The following MAST4 variants were observed in gnomAD, a reference collection of about 807,000 sequenced individuals.
The protein encoded by MAST4 is microtubule-associated serine/threonine-protein kinase 4.
In MAST4, 89 loss-of-function variants were observed where a neutral mutation model predicts 162.7. That is an observed-to-expected ratio of 0.55 (90% CI 0.46 to 0.65). MAST4 has a LOEUF of 0.65. MAST4 is among the 30% of genes least tolerant of loss of function. The probability of loss-of-function intolerance (pLI) is 0.00; values close to 1 mark genes in which losing one functional copy is unlikely to be tolerated. For synonymous variants in MAST4, 1,479 were observed against 1,361.1 expected (o/e 1.09, Z -1.91); for missense variants, 3,153 against 3,374.0 (o/e 0.93, Z 1.62).
At chr5:67,052,602 A>G (rs898635951) in intron 4 of MAST4, among the ~76,000 whole-genome samples, 16 of 152,088 alleles carry the variant, frequency 1.1e-4, no homozygotes, top group African/African-American at 3.6e-4. Context: ...GTATATCAGC[A>G]TATTTCACTG....
At chr5:66,720,375 C>T (rs1751121612) in intron 1 of MAST4, among the ~76,000 whole-genome samples, 1 of 152,070 alleles carries the variant, frequency 6.6e-6, no homozygotes. Context: ...CCCTGTAAAT[C>T]ATTGTCAGCA....
chr5:66,649,309 A>G (rs1265989340), intron 1 of MAST4, among the ~76,000 whole-genome samples: 1 of 152,176 alleles, frequency 6.6e-6, no homozygotes, highest in Non-Finnish European at 1.5e-5. Flanking sequence ...ATGAGAGGTG[A>G]GAAAAATTGT....
intron 4 of MAST4, among the ~76,000 whole-genome samples, chr5:66,904,036 T>A (rs1763183805): frequency 6.6e-6 from 1 of 152,254 alleles, no homozygotes; most frequent in South Asian, 2.1e-4. Context: ...ATTTTTCTAA[T>A]AACGAATTTG....
chr5:67,059,634 C>G (rs146901247), intron 5 of MAST4, among the ~76,000 whole-genome samples: 1 of 152,234 alleles, frequency 6.6e-6, no homozygotes, highest in Admixed American at 6.5e-5. Context: ...GCCAAAATAC[C>G]TATTTTCTGT....
In MAST4 at chr5:67,067,534, G is replaced by A. The variant is rs527398905; in HGVS notation, c.763+13042G>A. On this transcript the variant is annotated intron_variant, in intron 5 of 28. Transcript: ENST00000403625. ...CGACATCATAGTGTGTAAATACAAA[G>A]CAAATTAGGACACAGGCTTATTGCC... Among the ~76,000 whole-genome samples the A allele has an allele frequency of 7.9e-5, 12 of 152,300 alleles. No homozygotes were observed. The South Asian group carries it at 1.0e-3, about 13-fold the overall frequency.
chr5:67,118,576 C>A, intron 12 of MAST4, 106 bp from the exon 13 acceptor site: 1 of 699,446 alleles, frequency 1.4e-6, no homozygotes. Context: ...GAGTATAGAG[C>A]AATTTTTTTA....
chr5:67,045,778 C>A (rs984694293), intron 4 of MAST4, among the ~76,000 whole-genome samples: 2 of 152,090 alleles, frequency 1.3e-5, no homozygotes, highest in African/African-American at 4.8e-5. Context: ...AGAGGTAGTT[C>A]CTAAATTGTT....
At chr5:67,049,060 CGTATAT>C (rs1757828011) in intron 4 of MAST4, among the ~76,000 whole-genome samples, 1 of 82,832 alleles carries the variant, frequency 1.2e-5, no homozygotes, top group Non-Finnish European at 2.3e-5. Context: ...TATATATATA[CGTATAT>C]ATATATATAT....
chr5:66,678,054 G>A (rs563957652), intron 1 of MAST4, among the ~76,000 whole-genome samples: 5 of 152,262 alleles, frequency 3.3e-5, no homozygotes, highest in Admixed American at 6.5e-5. Flanking sequence ...AAAGCTGCAA[G>A]TGCTGTGACC....
intron 4 of MAST4, among the ~76,000 whole-genome samples, chr5:66,957,859 AG>A (rs1745512882): frequency 6.6e-6 from 1 of 152,226 alleles, no homozygotes; most frequent in South Asian, 2.1e-4. Flanking sequence ...AACCATGGAA[AG>A]CAGACCAGAT....
At chr5:66,743,743 G>A (rs973669821) in intron 1 of MAST4, among the ~76,000 whole-genome samples, 3 of 152,158 alleles carry the variant, frequency 2.0e-5, no homozygotes, top group Admixed American at 6.5e-5. Context: ...GGGGTAAGAC[G>A]GATCTATGCT....
chr5:66,747,181 C>T (rs1752821215), intron 1 of MAST4, among the ~76,000 whole-genome samples: 1 of 151,588 alleles, frequency 6.6e-6, no homozygotes, highest in South Asian at 2.1e-4. Flanking sequence ...AGTTGACAGT[C>T]ACGAGATAGC....
chr5:66,930,651 A>G (rs1170865226), intron 4 of MAST4: 2 of 459,214 alleles, frequency 4.4e-6, no homozygotes, highest in African/African-American at 4.0e-5. Context: ...CCCTGACAAT[A>G]TATATTTGAC....
At chr5:66,685,262 C>CAAAACA (rs369546392) in intron 1 of MAST4, among the ~76,000 whole-genome samples, 9 of 143,892 alleles carry the variant, frequency 6.3e-5, no homozygotes, top group Non-Finnish European at 9.2e-5. Context: ...GACCTTGTCT[C>CAAAACA]AAACAAAACA....
intron 2 of MAST4, among the ~76,000 whole-genome samples, chr5:66,764,975 G>C (rs1035810824): frequency 6.6e-6 from 1 of 152,106 alleles, no homozygotes; most frequent in African/African-American, 2.4e-5. Flanking sequence ...TCCTATACAG[G>C]TGTACCACTT....
chr5:66,861,727 A>G (rs1366046251), intron 3 of MAST4, among the ~76,000 whole-genome samples: 1 of 152,236 alleles, frequency 6.6e-6, no homozygotes, highest in African/African-American at 2.4e-5. Context: ...TTTGTTTGAA[A>G]TATGCAGAGT....
intron 4 of MAST4, among the ~76,000 whole-genome samples, chr5:66,929,074 C>T (rs1040967183): frequency 2.0e-5 from 3 of 152,106 alleles, no homozygotes; most frequent in Non-Finnish European, 4.4e-5. Flanking sequence ...CTTGAGAAGT[C>T]CTACAACAAG....
intron 1 of MAST4, among the ~76,000 whole-genome samples, chr5:66,710,287 C>T (rs1750411762): frequency 1.3e-5 from 2 of 152,138 alleles, no homozygotes. Context: ...AAAACTCTGC[C>T]CGCAATAGGC....
Position 67,160,536 on chromosome 5 carries a change from T to G in MAST4, c.3729T>G (p.Tyr1243Ter). ...CTGGACCAGCCAGGAGAAACAGCTATAAGAGCCGGATGGTGAGGCGGAGCA... is the reference window on the plus strand; with the variant it reads ...CTGGACCAGCCAGGAGAAACAGCTAGAAGAGCCGGATGGTGAGGCGGAGCA... The part of the protein sequence containing the change: ...IKTGPARRNS[Y>*]KSRMVRRSKK... Residue 1243 changes from tyrosine (Y) to a stop codon, truncating the protein, a stop_gained, in exon 27 of 29, where the codon TAT (tyrosine) becomes TAG (stop). Coordinates refer to ENST00000403625, the MANE Select transcript of MAST4 (RefSeq NM_001164664.2). LOFTEE classifies it high-confidence loss of function. The G allele has an allele frequency of 6.2e-7, 1 of 1,613,886 alleles. No individual in the cohort carries two copies. Among genetic ancestry groups the G allele is most frequent in the Non-Finnish European group, 8.5e-7 (1 of 1,179,834 alleles).
Sources: gnomAD v4.1 joint callset for allele counts (sites outside exome capture counted in the v4.1 genomes callset) on GRCh38, gnomAD v4.1.1 for gene constraint, MANE v1.5 for transcripts, NCBI Gene and HGNC (gene_info 2026-07-23, HGNC 2026-07-21) for gene names.